ACTR3C: variants seen among roughly 807,000 people sequenced by gnomAD.
ACTR3C encodes actin related protein 3C, also known as actin-related protein 3C.
A neutral mutation model predicts 26.3 loss-of-function variants in ACTR3C; 18 were observed. The observed-to-expected ratio is 0.68, with a 90% CI of 0.47 to 1.01. The LOEUF is 1.01. Among genes scored for constraint, ACTR3C ranks in the 50% least tolerant of loss-of-function variants. The pLI, the probability that ACTR3C is intolerant of heterozygous loss-of-function variation, is 0.00. For missense variants in ACTR3C, 184 were observed against 250.7 expected (o/e 0.73, Z 1.80); for synonymous variants, 55 against 94.5 (o/e 0.58, Z 2.42).
chr7:150,162,801 A>G, the ACTR3C span, among the ~76,000 whole-genome samples: 2,365 of 152,308 alleles, frequency 0.016, 57 homozygotes, highest in African/African-American at 0.053. Context: ...ATAGAAAATT[A>G]TCTCTACACT....
the ACTR3C span, among the ~76,000 whole-genome samples, chr7:149,938,031 C>T: frequency 2.6e-5 from 4 of 152,142 alleles, no homozygotes; most frequent in Non-Finnish European, 5.9e-5. Context: ...CAGCCTCCTC[C>T]TCCCGACCCG....
At chr7:150,092,044 G>A in the ACTR3C span, among the ~76,000 whole-genome samples, 3 of 123,342 alleles carry the variant, frequency 2.4e-5, no homozygotes, top group African/African-American at 8.9e-5. Flanking sequence ...CCTAATTACT[G>A]TACTTATTGC....
At chr7:150,144,785 T>C in the ACTR3C span, among the ~76,000 whole-genome samples, 14 of 152,128 alleles carry the variant, frequency 9.2e-5, no homozygotes, top group African/African-American at 1.4e-4. The surrounding 1 kb of genome is among the most constrained non-coding windows in gnomAD (Gnocchi z 4.6). Context: ...CGGTGGCTCA[T>C]GCCTGTAATC....
chr7:150,023,338 C>CATAG, the ACTR3C span, among the ~76,000 whole-genome samples: 27,008 of 44,320 alleles, frequency 0.61, 9,375 homozygotes, highest in South Asian at 0.7. Flanking sequence ...TACATACATA[C>CATAG]ATATATATTT....
chr7:149,940,134 T>C, the ACTR3C span, among the ~76,000 whole-genome samples: 5 of 152,126 alleles, frequency 3.3e-5, no homozygotes, highest in Admixed American at 6.5e-5. Context: ...GGGTTATCTA[T>C]CTACCTACCT....
chr7:150,227,688 G>GTGT, the ACTR3C span, among the ~76,000 whole-genome samples: 97 of 111,336 alleles, frequency 8.7e-4, no homozygotes, highest in East Asian at 4.3e-3. Flanking sequence ...TTGTGTCTGG[G>GTGT]TTTTTTTTTT....
At chr7:150,047,903 CT>C in the ACTR3C span, 5 of 1,372,078 alleles carry the variant, frequency 3.6e-6, no homozygotes, top group Non-Finnish European at 4.8e-6. Context: ...TAATATTTTG[CT>C]TTCTCTCCGG....
At chr7:150,037,761 G>A in the ACTR3C span, among the ~76,000 whole-genome samples, 31 of 49,478 alleles carry the variant, frequency 6.3e-4, 3 homozygotes, top group African/African-American at 1.2e-3. Flanking sequence ...CACCCTCGCG[G>A]GGGGTGCCTC....
the ACTR3C span, chr7:150,074,222 T>C: frequency 6.6e-6 from 1 of 152,208 alleles, no homozygotes; most frequent in African/African-American, 2.4e-5. Flanking sequence ...TCCCTGAGAC[T>C]ACTCTAAAGC....
chr7:150,032,483 G>GTCTTCAGTTCTAAAGAACAATAGGTT, the ACTR3C span, among the ~76,000 whole-genome samples: 1 of 152,170 alleles, frequency 6.6e-6, no homozygotes, highest in East Asian at 1.9e-4. Context: ...ACCAGTGCTG[G>GTCTTCAGTTCTAAAGAACAATAGGTT]ATCAACCAGA....
At chr7:149,920,382 C>T in the ACTR3C span, among the ~76,000 whole-genome samples, 2 of 151,090 alleles carry the variant, frequency 1.3e-5, no homozygotes, top group African/African-American at 2.4e-5. Context: ...TCACAACTCA[C>T]GGTAACCTCG....
chr7:149,909,066 G>A, the ACTR3C span, among the ~76,000 whole-genome samples: 22 of 151,590 alleles, frequency 1.5e-4, no homozygotes, highest in Non-Finnish European at 2.9e-5. Context: ...ACATGCGTGA[G>A]CCACCACGCC....
chr7:149,976,441 G>A, the ACTR3C span, among the ~76,000 whole-genome samples: 2 of 152,046 alleles, frequency 1.3e-5, no homozygotes, highest in African/African-American at 4.8e-5. Flanking sequence ...GGGCATGGTG[G>A]CAGACACCTG....
chr7:150,262,458 T>C (rs1458867478), intron 6 of ACTR3C, among the ~76,000 whole-genome samples: 3,252 of 147,208 alleles, frequency 0.022, no homozygotes, highest in African/African-American at 0.083. Context: ...GAAGAAGTAC[T>C]GATAAATTTA....
chr7:150,138,647 C>T, the ACTR3C span, among the ~76,000 whole-genome samples: 1 of 152,284 alleles, frequency 6.6e-6, no homozygotes, highest in African/African-American at 2.4e-5. Context: ...TCTTTCCCCC[C>T]AGCTCTGCTC....
At chr7:150,147,379 CA>C in the ACTR3C span, among the ~76,000 whole-genome samples, 1 of 151,920 alleles carries the variant, frequency 6.6e-6, no homozygotes, top group African/African-American at 2.4e-5. Flanking sequence ...TAAGCAAAAA[CA>C]AACTAAAAAG....
At chr7:149,901,378 A>G in the ACTR3C span, among the ~76,000 whole-genome samples, 1 of 149,474 alleles carries the variant, frequency 6.7e-6, no homozygotes, top group Non-Finnish European at 1.5e-5. Flanking sequence ...TTTTGTTTTT[A>G]TTTTTTAGAG....
chr7:150,036,943 AGTGGGG>A, the ACTR3C span, among the ~76,000 whole-genome samples: 1 of 85,218 alleles, frequency 1.2e-5, no homozygotes, highest in Admixed American at 1.0e-4. Flanking sequence ...CCTAAGAGCC[AGTGGGG>A]GAACCAGGGG....
chr7:150,207,972 C>G, the ACTR3C span, among the ~76,000 whole-genome samples: 1 of 151,878 alleles, frequency 6.6e-6, no homozygotes, highest in African/African-American at 2.4e-5. Context: ...CACTTCTAGT[C>G]AAAATAGAGA....
Sources: gnomAD v4.1 joint callset for allele counts (sites outside exome capture counted in the v4.1 genomes callset) on GRCh38, gnomAD v4.1.1 for gene constraint, Gnocchi (gnomAD v3.1) non-coding constraint, MANE v1.5 for transcripts, NCBI Gene and HGNC (gene_info 2026-07-23, HGNC 2026-07-21) for gene names.